TAFA1: variants seen among roughly 807,000 people sequenced by gnomAD.
TAFA1 encodes the protein TAFA chemokine like family member 1, also known as chemokine-like protein TAFA-1.
Under a neutral mutation model 18.5 loss-of-function variants are expected in TAFA1, and 4 were observed. The ratio of observed to expected loss-of-function variants is 0.22; its 90% CI spans 0.11 to 0.49. The LOEUF (loss-of-function observed/expected upper bound fraction) is 0.49. TAFA1 is among the 20% of genes least tolerant of loss of function. The probability of loss-of-function intolerance (pLI) is 0.98; values close to 1 mark genes in which losing one functional copy is unlikely to be tolerated. For synonymous variants in TAFA1, 56 were observed against 55.2 expected (o/e 1.01, Z -0.06); for missense variants, 147 against 169.0 (o/e 0.87, Z 0.72).
chr3:68,417,900 G>A (rs1045668034), intron 3 of TAFA1, among the ~76,000 whole-genome samples: 3 of 152,090 alleles, frequency 2.0e-5, no homozygotes, highest in Non-Finnish European at 2.9e-5. Context: ...GAGCCAAGGG[G>A]GAGGTACTAC....
chr3:68,327,831 T>A (rs1169212013), intron 2 of TAFA1, among the ~76,000 whole-genome samples: 2 of 152,204 alleles, frequency 1.3e-5, no homozygotes, highest in Non-Finnish European at 2.9e-5. Context: ...AAGCATGACA[T>A]AGAGCTGCCT....
intron 2 of TAFA1, among the ~76,000 whole-genome samples, chr3:68,105,928 T>A (rs936539948): frequency 1.3e-5 from 2 of 152,154 alleles, no homozygotes; most frequent in Non-Finnish European, 2.9e-5. Flanking sequence ...GGTGTTGGCT[T>A]GAGAGACAGC....
intron 2 of TAFA1, among the ~76,000 whole-genome samples, chr3:68,166,759 C>G (rs1367198715): frequency 6.6e-6 from 1 of 152,060 alleles, no homozygotes; most frequent in Non-Finnish European, 1.5e-5. Flanking sequence ...GAGGAAAGTT[C>G]TGCGAATCAA....
Position 68,306,730 on chromosome 3 carries a change from T to C in TAFA1, c.119-110550T>C, listed in dbSNP as rs143334389. Among the ~76,000 whole-genome samples, 180 of 152,226 alleles carry C rather than the reference T, an allele frequency of 1.2e-3. 2 individuals are homozygous for C. The East Asian group carries it at 0.033, about 28-fold the overall frequency. ...TGGGTCTTTGGACTGAGATGTGGTC[T>C]CCTGTGGGTAAGCCACCTAGGTTGC... On this transcript the variant is annotated intron_variant, in intron 2 of 4. Transcript: ENST00000478136.
intron 2 of TAFA1, among the ~76,000 whole-genome samples, chr3:68,205,987 A>AT (rs2066522059): frequency 6.6e-6 from 1 of 151,876 alleles, no homozygotes; most frequent in Non-Finnish European, 1.5e-5. Context: ...GTCACCCCCG[A>AT]TTAAAGATAT....
At chr3:68,195,707 C>G (rs1057123572) in intron 2 of TAFA1, among the ~76,000 whole-genome samples, 6 of 151,692 alleles carry the variant, frequency 4.0e-5, no homozygotes, top group Non-Finnish European at 3.0e-5. Context: ...TCAGCCATCC[C>G]TAGTATGATC....
chr3:68,154,876 A>G (rs1040064103), intron 2 of TAFA1, among the ~76,000 whole-genome samples: 8 of 152,214 alleles, frequency 5.3e-5, no homozygotes, highest in African/African-American at 1.9e-4. Flanking sequence ...GAGCATAGAA[A>G]GGCTTGGCTA....
chr3:68,227,627 T>A (rs1203331970), intron 2 of TAFA1, among the ~76,000 whole-genome samples: 1 of 152,198 alleles, frequency 6.6e-6, no homozygotes, highest in Non-Finnish European at 1.5e-5. Flanking sequence ...AGAAATTAAG[T>A]GAAAGACTGA....
intron 2 of TAFA1, among the ~76,000 whole-genome samples, chr3:68,172,207 G>C (rs935630932): frequency 3.3e-5 from 5 of 152,160 alleles, no homozygotes; most frequent in Admixed American, 1.3e-4. Flanking sequence ...GAGCAACAGA[G>C]AAACATGACT....
chr3:68,507,652 C>T (rs1161760952), intron 3 of TAFA1, among the ~76,000 whole-genome samples: 5 of 152,046 alleles, frequency 3.3e-5, no homozygotes, highest in Admixed American at 6.6e-5. Flanking sequence ...TGGGAAGCAT[C>T]GTAGTGTGAT....
chr3:68,086,363 G>T (rs1471305544), intron 2 of TAFA1, among the ~76,000 whole-genome samples: 1 of 152,112 alleles, frequency 6.6e-6, no homozygotes, highest in Non-Finnish European at 1.5e-5. Flanking sequence ...GTGAATATCT[G>T]GGCAGTCCTT....
intron 3 of TAFA1, among the ~76,000 whole-genome samples, chr3:68,514,503 G>T (rs1251133751): frequency 6.6e-6 from 1 of 152,022 alleles, no homozygotes; most frequent in African/African-American, 2.4e-5. Flanking sequence ...TCAGGAGCAA[G>T]AAATGCCATT....
rs111619121 is a variant in TAFA1, at chr3:68,491,789, G to T, written c.260-46967G>T. Among the ~76,000 whole-genome samples the T allele has an allele frequency of 4.3e-3, 649 of 152,174 alleles. 3 individuals carry two copies. Among genetic ancestry groups the T allele is most frequent in the South Asian group, 0.03 (142 of 4,812 alleles). On this transcript the variant is annotated intron_variant, in intron 3 of 4. Coordinates refer to ENST00000478136, the MANE Select transcript of TAFA1 (RefSeq NM_213609.4). Reference sequence around the variant, plus strand: ...AGTGCTACCCAACGTCATGTTTATGGATGGGCACTGTCAGCACAACATGGG... The same window carrying T: ...AGTGCTACCCAACGTCATGTTTATGTATGGGCACTGTCAGCACAACATGGG...
chr3:68,374,377 G>T (rs536227779), intron 2 of TAFA1, among the ~76,000 whole-genome samples: 1 of 152,132 alleles, frequency 6.6e-6, no homozygotes, highest in Non-Finnish European at 1.5e-5. Flanking sequence ...AAGAAGAAAG[G>T]AGTGAGGGGG....
intron 2 of TAFA1, among the ~76,000 whole-genome samples, chr3:68,389,526 C>A (rs1005949416): frequency 6.6e-5 from 10 of 152,090 alleles, no homozygotes; most frequent in African/African-American, 2.2e-4. Context: ...TAAATACTGC[C>A]AAATTATATT....
intron 3 of TAFA1, among the ~76,000 whole-genome samples, chr3:68,526,420 A>C (rs1374908718): frequency 6.6e-6 from 1 of 152,180 alleles, no homozygotes; most frequent in Admixed American, 6.5e-5. Flanking sequence ...CAACTTTCCC[A>C]TTACTGCCAA....
At chr3:68,449,112 C>T (rs1200222119) in intron 3 of TAFA1, among the ~76,000 whole-genome samples, 1 of 152,128 alleles carries the variant, frequency 6.6e-6, no homozygotes, top group Non-Finnish European at 1.5e-5. Context: ...AAAACAGATA[C>T]ATCTCCACAA....
intron 3 of TAFA1, among the ~76,000 whole-genome samples, chr3:68,470,087 T>A (rs1054881020): frequency 1.3e-5 from 2 of 152,184 alleles, no homozygotes; most frequent in African/African-American, 4.8e-5. Context: ...GTTTCTCCTA[T>A]ACTGTTCTCA....
intron 2 of TAFA1, among the ~76,000 whole-genome samples, chr3:68,187,448 A>G (rs957734214): frequency 3.9e-5 from 6 of 151,918 alleles, no homozygotes; most frequent in Non-Finnish European, 5.9e-5. Flanking sequence ...TGAACTTTCT[A>G]TGGTGGGCTG....
Sources: gnomAD v4.1 joint callset for allele counts (sites outside exome capture counted in the v4.1 genomes callset) on GRCh38, gnomAD v4.1.1 for gene constraint, MANE v1.5 for transcripts, NCBI Gene and HGNC (gene_info 2026-07-23, HGNC 2026-07-21) for gene names.